CLPTM1L: variants seen among roughly 807,000 people sequenced by gnomAD.
CLPTM1L encodes CLPTM1 like, also known as lipid scramblase CLPTM1L.
CLPTM1L carries 38 observed loss-of-function variants against 70.9 expected under a neutral mutation model. That is an observed-to-expected ratio of 0.54 (90% CI 0.41 to 0.70). The LOEUF (loss-of-function observed/expected upper bound fraction) is 0.70, where lower values mean the gene tolerates loss of function less well. Among genes scored for constraint, CLPTM1L ranks in the 30% least tolerant of loss-of-function variants. The pLI is 0.00. For synonymous variants in CLPTM1L, 339 were observed against 299.9 expected (o/e 1.13, Z -1.35); for missense variants, 652 against 705.9 (o/e 0.92, Z 0.87).
chr5:1,328,943 C>CATCCAGCTCCTCCTCTACAGACACATTT (rs1752871935), intron 9 of CLPTM1L, among the ~76,000 whole-genome samples: 1 of 143,696 alleles, frequency 7.0e-6, no homozygotes, highest in African/African-American at 2.7e-5. Context: ...CAGGGACATT[C>CATCCAGCTCCTCCTCTACAGACACATTT]CATCCAGCTC....
chr5:1,328,632 C>T (rs116555409), intron 9 of CLPTM1L, among the ~76,000 whole-genome samples: 1,843 of 151,406 alleles, frequency 0.012, 16 homozygotes, highest in Middle Eastern at 0.024. Context: ...CTTCATCCAG[C>T]TCCTCCTCTA....
intron 6 of CLPTM1L, among the ~76,000 whole-genome samples, chr5:1,334,749 G>A (rs1382856288): frequency 2.1e-5 from 3 of 145,388 alleles, no homozygotes; most frequent in African/African-American, 7.8e-5. Context: ...GCGAGACTCT[G>A]TCTCAAAACA....
At chr5:1,339,607 G>A (rs1414638769) in intron 3 of CLPTM1L, among the ~76,000 whole-genome samples, 1 of 116,282 alleles carries the variant, frequency 8.6e-6, no homozygotes, top group Admixed American at 8.6e-5. Flanking sequence ...TGAAGAGAAC[G>A]GCCACACAGA....
chr5:1,324,936 C>T (rs1485055615), intron 10 of CLPTM1L, 123 bp from the exon 11 acceptor site: 2 of 833,176 alleles, frequency 2.4e-6, no homozygotes, highest in Non-Finnish European at 4.1e-6. Flanking sequence ...ACAGAGGGCG[C>T]TCAGGTCCCT....
intron 5 of CLPTM1L, among the ~76,000 whole-genome samples, chr5:1,335,949 C>CCG (rs1017695464): frequency 4.1e-4 from 60 of 147,986 alleles, no homozygotes; most frequent in African/African-American, 1.5e-3. Context: ...AAGCCCTGAC[C>CCG]CGCCACCCTC....
At chr5:1,336,229 C>T (rs1024634957) in intron 5 of CLPTM1L, among the ~76,000 whole-genome samples, 6 of 152,230 alleles carry the variant, frequency 3.9e-5, no homozygotes, top group African/African-American at 9.6e-5. Context: ...CAGAAGGTGC[C>T]GACTTCCTGC....
At chr5:1,322,475 G>A (rs1265871755) in intron 13 of CLPTM1L, among the ~76,000 whole-genome samples, 2 of 152,232 alleles carry the variant, frequency 1.3e-5, no homozygotes, top group Non-Finnish European at 2.9e-5. Context: ...AACCAGACGT[G>A]GATGGTGTTG....
Position 1,318,363 on chromosome 5 carries a change from CGGCCTTCAGTCCGTGTGGGGCGCCCGCGT to C in CLPTM1L, c.1594_*5del. On this transcript the variant is annotated stop_lost and 3_prime_UTR_variant, in exon 17 of 17. Transcript: ENST00000320895. This position sits in a 1 kb window ranked among gnomAD's most constrained non-coding sequence, Gnocchi z 8.9. ...TGCACTTGGCTGGCGGCAGCCCGGG[CGGCCTTCAGTCCGTGTGGGGCGCCCGCGT>C]GGCCTTCTCCTCGTAGGACTCCCCA... 6.2e-7 allele frequency: 1 copy of C among 1,611,420 alleles called. No homozygotes were observed. The highest frequency in any genetic ancestry group is 8.5e-7 in the Non-Finnish European group (1 of 1,178,324).
At chr5:1,329,978 ACTGCTTGGTGGACAGAGCCTCAGGACTAT>A (rs1752975685) in intron 9 of CLPTM1L, among the ~76,000 whole-genome samples, 1 of 89,130 alleles carries the variant, frequency 1.1e-5, no homozygotes, top group Admixed American at 1.2e-4. Flanking sequence ...AGGACTCACC[ACTGCTTGGTGGACAGAGCCTCAGGACTAT>A]CTGCTTGGTG....
At chr5:1,332,020 A>G (rs1753126940) in intron 7 of CLPTM1L, 137 bp from the exon 8 acceptor site, 1 of 719,010 alleles carries the variant, frequency 1.4e-6, no homozygotes, top group African/African-American at 1.7e-5. Flanking sequence ...AAGTGTCTAC[A>G]CTCGGGACCC....
rs201217264 is a variant in CLPTM1L at position 1,344,740 on chromosome 5, G to A, written c.102C>T (p.Arg34=). 1.6e-5 allele frequency: 26 copies of A among 1,601,468 alleles called. No homozygotes were observed. Among genetic ancestry groups the A allele is most frequent in the East Asian group, 2.3e-5 (1 of 43,952 alleles). The change falls in exon 1 of 17, where the codon CGC becomes CGT. Residue 34 remains arginine (R), a synonymous_variant. Transcript: ENST00000320895. ...TGCAGTTGGCGTCGCCGGAGCACGG[G>A]CGGGTGTAGACGATGCCGTACATGA... ...CWVMYGIVYT[R]PCSGDANCIQ...
chr5:1,335,484 C>T (rs995489282), intron 5 of CLPTM1L, among the ~76,000 whole-genome samples: 1 of 152,330 alleles, frequency 6.6e-6, no homozygotes, highest in East Asian at 1.9e-4. Context: ...CCTGGTGCCC[C>T]GGAGGTGGTG....
At chr5:1,321,522 A>G in intron 15 of CLPTM1L, 113 bp downstream of exon 15, 1 of 910,210 alleles carries the variant, frequency 1.1e-6, no homozygotes, top group Non-Finnish European at 1.8e-6. Context: ...TGAAAGGGAC[A>G]GGTGCAGATG....
intron 3 of CLPTM1L, among the ~76,000 whole-genome samples, chr5:1,339,490 C>T (rs31485): frequency 6.6e-4 from 69 of 104,686 alleles, no homozygotes; most frequent in Middle Eastern, 5.9e-3. Flanking sequence ...GCCACACAGA[C>T]GGGCAAACTG....
rs1032623722 is a variant in CLPTM1L at position 1,344,886 on chromosome 5, G to C, written c.-45C>G. On this transcript the variant is annotated 5_prime_UTR_variant, in exon 1 of 17. Transcript: ENST00000320895. ...CCCCCGGCCCGCCCGCCTCTCAGCC[G>C]CGAGCCCCGCCCGCCCGGCGCCCAG... is the stretch of plus-strand genomic sequence containing the variant. 1.9e-6 allele frequency: 2 copies of C among 1,078,454 alleles called. No homozygotes were observed. Among genetic ancestry groups the C allele is most frequent in the East Asian group, 1.2e-4 (2 of 16,816 alleles). The allele number at this position is 1,078,454 out of a possible 1,614,324, so 66.8% of individuals were successfully genotyped here.
At chr5:1,327,122 C>G (rs1237831229) in intron 9 of CLPTM1L, among the ~76,000 whole-genome samples, 6 of 151,244 alleles carry the variant, frequency 4.0e-5, no homozygotes, top group African/African-American at 1.5e-4. Context: ...TTCCATCCAG[C>G]TCCTCCTCTA....
chr5:1,324,893 A>C (rs929601342), intron 10 of CLPTM1L, 80 bp from the exon 11 acceptor site: 2 of 1,333,358 alleles, frequency 1.5e-6, no homozygotes, highest in African/African-American at 2.9e-5. Context: ...AAGGGGCGTC[A>C]CATATGGCTG....
rs191342364 is a variant in CLPTM1L at position 1,328,394 on chromosome 5, T to A, written c.1080+1886A>T. On this transcript the variant is annotated intron_variant, in intron 9 of 16. Coordinates refer to ENST00000320895, the MANE Select transcript of CLPTM1L (RefSeq NM_030782.5). ...AGCTCCTCCTCTACAGGGACATTTC[T>A]TCCAGCTCCTCCTCTACAGACACAT... Among the ~76,000 whole-genome samples, 563 of 85,068 alleles carry A rather than the reference T, an allele frequency of 6.6e-3. 9 individuals carry two copies. Among genetic ancestry groups the A allele is most frequent in the African/African-American group, 0.017 (375 of 22,016 alleles). The allele number at this position is 85,068 out of a possible 152,430, so 55.8% of individuals were successfully genotyped here. A position where few individuals can be genotyped will look rare whatever the true frequency, so the allele number is the denominator to read the frequency against.
intron 6 of CLPTM1L, 70 bp from the exon 7 acceptor site, chr5:1,334,453 T>A: frequency 8.7e-7 from 1 of 1,152,222 alleles, no homozygotes; most frequent in Non-Finnish European, 1.3e-6. Context: ...ACAAATACAG[T>A]TTTCAATATA....
Sources: gnomAD v4.1 joint callset for allele counts (sites outside exome capture counted in the v4.1 genomes callset) on GRCh38, gnomAD v4.1.1 for gene constraint, Gnocchi (gnomAD v3.1) non-coding constraint, MANE v1.5 for transcripts, NCBI Gene and HGNC (gene_info 2026-07-23, HGNC 2026-07-21) for gene names.